Variants in GRIP1 observed in about 807,000 individuals in gnomAD.
GRIP1 encodes the protein glutamate receptor-interacting protein 1.
In GRIP1, 45 loss-of-function variants were observed where a neutral mutation model predicts 129.9. That is an observed-to-expected ratio of 0.35 (90% CI 0.27 to 0.44). The LOEUF is 0.44. GRIP1 is among the 20% of genes least tolerant of loss of function. GRIP1 has a pLI of 1.00. For synonymous variants in GRIP1, 530 were observed against 520.8 expected (o/e 1.02, Z -0.24); for missense variants, 1,196 against 1,396.8 (o/e 0.86, Z 2.29).
intron 1 of GRIP1, among the ~76,000 whole-genome samples, chr12:66,834,194 A>T (rs1439153816): frequency 4.6e-5 from 7 of 151,760 alleles, no homozygotes; most frequent in African/African-American, 1.7e-4. Context: ...AAAAAAAAAA[A>T]AAAAGGTGGG....
In GRIP1 at chr12:66,794,343, C is replaced by T. The variant is rs554881827; in HGVS notation, c.-420+9710G>A. Among the ~76,000 whole-genome samples, 10 of 152,274 alleles carry T rather than the reference C, an allele frequency of 6.6e-5. No homozygotes were observed. In the South Asian group the frequency reaches 1.2e-3, roughly 19 times the overall value. On this transcript the variant is annotated intron_variant, in intron 1 of 4. Coordinates refer to the GRIP1 transcript ENST00000538373. ...CAGAAACATCTATAGATGGTCCAGG[C>T]ACTGTCTTAGATGCTGGAATACAAA...
chr12:66,732,604 C>T (rs1158394137), intron 1 of GRIP1, among the ~76,000 whole-genome samples: 3 of 151,940 alleles, frequency 2.0e-5, no homozygotes, highest in African/African-American at 7.3e-5. Flanking sequence ...GACACTCTTC[C>T]ACTTAATGAA....
chr12:66,585,788 C>T (rs10459224), intron 2 of GRIP1, among the ~76,000 whole-genome samples: 21,265 of 149,066 alleles, frequency 0.14, 1,105 homozygotes, highest in East Asian at 0.24. Context: ...TTTTAATGAT[C>T]GCCATTCTAA....
intron 5 of GRIP1, among the ~76,000 whole-genome samples, chr12:66,526,766 T>C (rs1276030239): frequency 6.6e-6 from 1 of 152,036 alleles, no homozygotes. Flanking sequence ...GAGAGAATTT[T>C]TGCAATCTAC....
intron 14 of GRIP1, among the ~76,000 whole-genome samples, chr12:66,425,739 G>A (rs894778622): frequency 5.8e-4 from 87 of 150,904 alleles, no homozygotes; most frequent in Non-Finnish European, 1.1e-3. Flanking sequence ...ACCAAACACC[G>A]CATATTCTCA....
upstream of GRIP1, among the ~76,000 whole-genome samples, chr12:66,679,884 ATGGAG>A (rs2034517786): frequency 6.6e-6 from 1 of 152,216 alleles, no homozygotes. Context: ...ATCTGCTCCA[ATGGAG>A]TGAAGAGCAA....
rs559440360 is a variant in GRIP1, at chr12:66,932,527, G to A, written c.58+136523C>T. Among the ~76,000 whole-genome samples the A allele has an allele frequency of 4.6e-5, 7 of 151,582 alleles. No individual in the cohort carries two copies. The East Asian group carries it at 7.7e-4, about 17-fold the overall frequency. ...CTGTGCCAGGCTCTGAGACTTAAGC[G>A]AATAGGTCACTTAATTGGACATCAA... On this transcript the variant is annotated intron_variant, in intron 1 of 1. Coordinates refer to the GRIP1 transcript ENST00000643019.
At chr12:66,885,949 A>G (rs1475795511) in intron 1 of GRIP1, among the ~76,000 whole-genome samples, 2 of 152,204 alleles carry the variant, frequency 1.3e-5, no homozygotes, top group African/African-American at 2.4e-5. Flanking sequence ...ATCCTCCAAT[A>G]CATTATACAG....
intron 1 of GRIP1, among the ~76,000 whole-genome samples, chr12:67,011,942 A>T (rs1321849197): frequency 1.3e-5 from 2 of 152,126 alleles, no homozygotes; most frequent in Admixed American, 6.6e-5. Context: ...ATTTACAAAA[A>T]CAGACAGTGA....
At chr12:66,597,563 A>T (rs568906143) in intron 1 of GRIP1, among the ~76,000 whole-genome samples, 15 of 152,294 alleles carry the variant, frequency 9.8e-5, no homozygotes, top group African/African-American at 3.1e-4. Context: ...AAGAAGACAT[A>T]TATTGCAATG....
intron 1 of GRIP1, among the ~76,000 whole-genome samples, chr12:66,942,443 G>A (rs1198615547): frequency 3.9e-5 from 6 of 151,906 alleles, no homozygotes; most frequent in Middle Eastern, 3.2e-3. Flanking sequence ...TTCCTCTCCC[G>A]TACATACAAA....
upstream of GRIP1, among the ~76,000 whole-genome samples, chr12:66,679,976 T>TG (rs1344628881): frequency 6.6e-6 from 1 of 152,158 alleles, no homozygotes; most frequent in Non-Finnish European, 1.5e-5. Context: ...AGCAGCAGCC[T>TG]GCTCGCCATA....
chr12:66,520,236 C>T (rs956495576), intron 5 of GRIP1, among the ~76,000 whole-genome samples: 3 of 152,158 alleles, frequency 2.0e-5, no homozygotes, highest in African/African-American at 7.2e-5. Context: ...ATCTGCCATA[C>T]TAATATTTAC....
chr12:66,701,850 C>G (rs774816315), intron 1 of GRIP1, among the ~76,000 whole-genome samples: 7 of 152,344 alleles, frequency 4.6e-5, no homozygotes, highest in Non-Finnish European at 4.4e-5. Context: ...TGAACCCATT[C>G]AAACAGCCTT....
chr12:66,396,175 G>T (rs2056780671), intron 16 of GRIP1, among the ~76,000 whole-genome samples: 2 of 152,318 alleles, frequency 1.3e-5, no homozygotes, highest in South Asian at 4.1e-4. Flanking sequence ...AGGTGTGTAT[G>T]CCATAGGAAA....
In GRIP1 at chr12:66,371,865, C is replaced by A. The variant is rs1223137662; in HGVS notation, c.2841G>T (p.Gln947His). Residue 947 changes from glutamine (Q) to histidine (H), a missense_variant, in exon 23 of 25, where the codon CAG becomes CAT. Gln to His is a conservative substitution (Grantham distance 24, BLOSUM62 0). Around this residue, in one of 5 missense-constraint regions of GRIP1, gnomAD observed 427 missense variants for 463.3 expected, o/e 0.92. Transcript: ENST00000359742. ...LNHEAPTPRS[Q>H]LGRQASFQER... ...CCTGGAAGCTGGCCTGTCGCCCCAGCTGACTGCGAGGTGTTGGAGCCTCAT... is the reference window on the plus strand; with the variant it reads ...CCTGGAAGCTGGCCTGTCGCCCCAGATGACTGCGAGGTGTTGGAGCCTCAT... The A allele has an allele frequency of 6.2e-7, 1 of 1,613,668 alleles. No homozygotes were observed. The highest frequency in any genetic ancestry group is 8.5e-7 in the Non-Finnish European group (1 of 1,179,982).
At chr12:66,668,640 C>T (rs548557773) in intron 1 of GRIP1, among the ~76,000 whole-genome samples, 163 of 152,132 alleles carry the variant, frequency 1.1e-3, no homozygotes, top group Admixed American at 3.9e-3. Flanking sequence ...CAGAAAAGGC[C>T]GAGTGCAGGA....
At chr12:66,502,217 G>A (rs1290063932) in intron 7 of GRIP1, among the ~76,000 whole-genome samples, 3 of 152,040 alleles carry the variant, frequency 2.0e-5, no homozygotes, top group Non-Finnish European at 4.4e-5. Context: ...TAGGAGTAGT[G>A]GCCCAAAGAT....
At chr12:66,656,083 G>A (rs1349019673) in intron 1 of GRIP1, among the ~76,000 whole-genome samples, 1 of 152,036 alleles carries the variant, frequency 6.6e-6, no homozygotes, top group Non-Finnish European at 1.5e-5. Flanking sequence ...TTTTTCTCCA[G>A]GCATCCAATA....
Sources: gnomAD v4.1 joint callset for allele counts (sites outside exome capture counted in the v4.1 genomes callset) on GRCh38, gnomAD v4.1.1 for gene constraint, gnomAD v4.1.1 regional missense constraint, MANE v1.5 for transcripts, NCBI Gene and HGNC (gene_info 2026-07-23, HGNC 2026-07-21) for gene names.